The following PDGFD variants were observed in gnomAD, a reference collection of about 807,000 sequenced individuals.
PDGFD encodes platelet derived growth factor D.
In PDGFD, 30 loss-of-function variants were observed where a neutral mutation model predicts 44.7. The ratio of observed to expected loss-of-function variants is 0.67; its 90% CI spans 0.50 to 0.91. The LOEUF (loss-of-function observed/expected upper bound fraction) is 0.91, where lower values mean the gene tolerates loss of function less well. Ranked by LOEUF, PDGFD falls within the 40% of genes least tolerant of loss-of-function variation. The probability of loss-of-function intolerance (pLI) is 0.00; values close to 1 mark genes in which losing one functional copy is unlikely to be tolerated. For missense variants in PDGFD, 445 were observed against 457.8 expected, an observed-to-expected ratio of 0.97 and a Z score of 0.25; for synonymous variants, 173 against 168.4, an observed-to-expected ratio of 1.03 and a Z score of -0.21.
At chr11:104,101,791 A>G (rs1265602183) in intron 1 of PDGFD, among the ~76,000 whole-genome samples, 1 of 151,972 alleles carries the variant, frequency 6.6e-6, no homozygotes, top group Non-Finnish European at 1.5e-5. Flanking sequence ...CAACTATCTG[A>G]TCTTTGACAA....
intron 1 of PDGFD, among the ~76,000 whole-genome samples, chr11:104,140,383 A>C (rs1246011025): frequency 1.3e-5 from 2 of 152,098 alleles, no homozygotes; most frequent in African/African-American, 4.8e-5. Flanking sequence ...CAAGTTAAAG[A>C]GATTGAGCTC....
intron 1 of PDGFD, among the ~76,000 whole-genome samples, chr11:104,125,593 T>C (rs930587643): frequency 1.3e-5 from 2 of 152,094 alleles, no homozygotes; most frequent in African/African-American, 4.8e-5. Context: ...CAGACCTAGG[T>C]TCAAATAAAA....
Position 104,163,902 on chromosome 11 carries a change from G to A in PDGFD, c.26C>T (p.Thr9Ile). MHRLIFVYTLICANFCSCR... is the reference protein window; with the variant it reads MHRLIFVYILICANFCSCR... Reference sequence around the variant, plus strand: ...GCTGCAAAAGTTTGCGCAGATTAGAGTGTAGACAAAGATGAGCCGGTGCAT... The same window carrying A: ...GCTGCAAAAGTTTGCGCAGATTAGAATGTAGACAAAGATGAGCCGGTGCAT... Residue 9 changes from threonine (T) to isoleucine (I), a missense_variant, in exon 1 of 7, where the codon ACT (threonine) becomes ATT (isoleucine). By Grantham distance (89) the Thr-to-Ile change is moderately conservative. Transcript: ENST00000393158. 1 of 1,559,866 alleles carries A rather than the reference G, an allele frequency of 6.4e-7. No homozygotes were observed. The highest frequency in any genetic ancestry group is 1.2e-5 in the South Asian group (1 of 84,734).
At chr11:103,954,936 G>T (rs577151396) in intron 3 of PDGFD, among the ~76,000 whole-genome samples, 3 of 151,668 alleles carry the variant, frequency 2.0e-5, no homozygotes, top group Admixed American at 6.6e-5. Flanking sequence ...AGGCCGAGGC[G>T]GGCGGATCAC....
Position 103,914,451 on chromosome 11 carries a change from T to A in PDGFD, c.988-4632A>T, listed in dbSNP as rs553818612. 9.2e-5 allele frequency among the ~76,000 whole-genome samples: 14 copies of A among 152,284 alleles called. No individual in the cohort carries two copies. In the South Asian group the frequency reaches 2.7e-3, roughly 29 times the overall value. ...GTAACAAGTTCTAAAATTGAAGCAG[T>A]AATTGATAGCCTACCAACCAAAAAA... On this transcript the variant is annotated intron_variant, in intron 6 of 6. Transcript: ENST00000393158.
At chr11:104,062,321 C>T (rs1860728941) in intron 1 of PDGFD, among the ~76,000 whole-genome samples, 1 of 152,194 alleles carries the variant, frequency 6.6e-6, no homozygotes, top group African/African-American at 2.4e-5. Context: ...TTCTTGGCCA[C>T]AGAAAAGGCA....
At chr11:103,927,899 G>A (rs1858343315) in intron 5 of PDGFD, among the ~76,000 whole-genome samples, 1 of 152,150 alleles carries the variant, frequency 6.6e-6, no homozygotes, top group African/African-American at 2.4e-5. Flanking sequence ...AACGTGCCTG[G>A]CACTCAATGC....
chr11:104,092,440 G>T (rs563868468), intron 1 of PDGFD, among the ~76,000 whole-genome samples: 45 of 152,190 alleles, frequency 3.0e-4, no homozygotes, highest in African/African-American at 1.0e-3. Flanking sequence ...CACCCTCTGC[G>T]CTATCTCAAA....
intron 1 of PDGFD, among the ~76,000 whole-genome samples, chr11:104,114,980 T>C (rs546968825): frequency 6.6e-6 from 1 of 151,796 alleles, no homozygotes; most frequent in African/African-American, 2.4e-5. Context: ...ATTTGTGAGA[T>C]ATTGGTGTTC....
rs148262208 is a variant in PDGFD at position 103,973,496 on chromosome 11, T to C, written c.510+22569A>G. On this transcript the variant is annotated intron_variant, in intron 3 of 6. Coordinates refer to ENST00000393158, the MANE Select transcript of PDGFD (RefSeq NM_025208.5). Reference sequence around the variant, plus strand: ...CAACTTAAGAGGTAATGCTTGGAGTTTGGAAGGATCAGAAGTAGTTGATAA... The same window carrying C: ...CAACTTAAGAGGTAATGCTTGGAGTCTGGAAGGATCAGAAGTAGTTGATAA... Among the ~76,000 whole-genome samples, 835 of 152,164 alleles carry C rather than the reference T, an allele frequency of 5.5e-3. 4 individuals carry two copies. The highest frequency in any genetic ancestry group is 0.018 in the African/African-American group (744 of 41,510).
chr11:103,909,555 C>T lies in PDGFD; in HGVS notation c.*139G>A. 1 of 1,094,126 alleles carries T rather than the reference C, an allele frequency of 9.1e-7. No individual in the cohort carries two copies. Among genetic ancestry groups the T allele is most frequent in the East Asian group, 2.4e-5 (1 of 41,944 alleles). 67.8% of individuals were successfully genotyped at this position (1,094,126 alleles called of 1,614,324 possible). A position where few individuals can be genotyped will look rare whatever the true frequency, so the allele number is the denominator to read the frequency against. On this transcript the variant is annotated 3_prime_UTR_variant, in exon 7 of 7. Transcript: ENST00000393158. ...TTGCCATGGCATTAACAAAGCAAGG[C>T]TGAGACTCAGCAACCACTTGTGTTC...
intron 1 of PDGFD, among the ~76,000 whole-genome samples, chr11:104,155,881 C>A (rs774180821): frequency 2.6e-5 from 4 of 152,182 alleles, no homozygotes; most frequent in Non-Finnish European, 5.9e-5. Flanking sequence ...ACAGCACATT[C>A]AACCCCTGCT....
intron 1 of PDGFD, among the ~76,000 whole-genome samples, chr11:104,061,261 C>G (rs568469744): frequency 6.6e-6 from 1 of 151,216 alleles, no homozygotes; most frequent in Non-Finnish European, 1.5e-5. Context: ...CATTAAAATG[C>G]TAGTCAAAAA....
chr11:104,015,842 CACAG>C (rs753511670), intron 1 of PDGFD, among the ~76,000 whole-genome samples: 35 of 152,138 alleles, frequency 2.3e-4, no homozygotes, highest in Non-Finnish European at 4.7e-4. Flanking sequence ...AAAACAGAGA[CACAG>C]ACAGTCCCTT....
intron 1 of PDGFD, among the ~76,000 whole-genome samples, chr11:104,072,797 C>A (rs1252758646): frequency 6.6e-6 from 1 of 151,890 alleles, no homozygotes; most frequent in African/African-American, 2.4e-5. Context: ...TTGTCAGAAG[C>A]TTTTTCAGAA....
intron 1 of PDGFD, among the ~76,000 whole-genome samples, chr11:104,108,397 A>G (rs992968013): frequency 3.3e-5 from 5 of 152,210 alleles, no homozygotes; most frequent in Non-Finnish European, 7.3e-5. Context: ...AAAGGATATG[A>G]ACAGACCCTT....
chr11:104,022,870 G>GTT (rs1843727999), intron 1 of PDGFD, among the ~76,000 whole-genome samples: 1 of 151,938 alleles, frequency 6.6e-6, no homozygotes, highest in Non-Finnish European at 1.5e-5. Context: ...TGCTGGTAAA[G>GTT]TTTCCTGAAC....
intron 5 of PDGFD, among the ~76,000 whole-genome samples, chr11:103,937,947 C>T (rs920215967): frequency 5.9e-5 from 9 of 151,562 alleles, no homozygotes; most frequent in Non-Finnish European, 8.8e-5. Context: ...TTAATCCAGT[C>T]TATCGTTGTT....
chr11:104,049,525 A>G (rs1345903773), intron 1 of PDGFD, among the ~76,000 whole-genome samples: 2 of 151,222 alleles, frequency 1.3e-5, no homozygotes, highest in Admixed American at 1.3e-4. Context: ...AAGACATTTG[A>G]TTTTTTTTTA....
Sources: gnomAD v4.1 joint callset for allele counts (sites outside exome capture counted in the v4.1 genomes callset) on GRCh38, gnomAD v4.1.1 for gene constraint, MANE v1.5 for transcripts, NCBI Gene and HGNC (gene_info 2026-07-23, HGNC 2026-07-21) for gene names.